Variants in MTUS2 observed in about 807,000 individuals in gnomAD.
MTUS2 encodes the protein microtubule associated scaffold protein 2.
MTUS2 carries 40 observed loss-of-function variants against 114.1 expected under a neutral mutation model. The observed-to-expected ratio is 0.35, with a 90% CI of 0.27 to 0.46. The LOEUF (loss-of-function observed/expected upper bound fraction) is 0.46. Ranked by LOEUF, MTUS2 falls within the 20% of genes least tolerant of loss-of-function variation. MTUS2 has a pLI of 1.00. For missense variants in MTUS2, 1,679 were observed against 1,705.4 expected (o/e 0.98, Z 0.27); for synonymous variants, 688 against 672.0 (o/e 1.02, Z -0.37).
At chr13:29,310,573 G>A (rs1286324688) in intron 6 of MTUS2, among the ~76,000 whole-genome samples, 1 of 151,938 alleles carries the variant, frequency 6.6e-6, no homozygotes, top group Admixed American at 6.6e-5. Context: ...AGACAAAAAA[G>A]GAACAAAAAG....
Position 29,359,303 on chromosome 13 carries a change from C to G in MTUS2, c.2947C>G (p.Pro983Ala), listed in dbSNP as rs1870026546. The part of the protein sequence containing the change: ...QRTAAARNGF[P>A]PKPDPQAREA... ...GACTGCGGCAGCTCGAAATGGGTTT[C>G]CGCCCAAGCCGGACCCGCAGGCCCG... is the stretch of plus-strand genomic sequence containing the variant. The change falls in exon 8 of 16, where the codon CCG becomes GCG. Residue 983 changes from proline to alanine, a missense_variant. Pro to Ala is a conservative substitution (Grantham distance 27, BLOSUM62 -1). Around this residue, in one of 3 missense-constraint regions of MTUS2, gnomAD observed 822 missense variants for 899.7 expected, o/e 0.91. Transcript: ENST00000612955. 1.2e-6 allele frequency: 2 copies of G among 1,607,526 alleles called. No homozygotes were observed. The highest frequency in any genetic ancestry group is 2.2e-5 in the South Asian group (2 of 89,840).
chr13:29,131,872 T>C (rs1327239397), intron 5 of MTUS2, among the ~76,000 whole-genome samples: 1 of 152,270 alleles, frequency 6.6e-6, no homozygotes, highest in African/African-American at 2.4e-5. Context: ...CCAGAGACGT[T>C]GATGATGACA....
At chr13:28,972,932 A>G (rs1883920425) in intron 2 of MTUS2, among the ~76,000 whole-genome samples, 3 of 152,092 alleles carry the variant, frequency 2.0e-5, no homozygotes, top group Admixed American at 2.0e-4. Flanking sequence ...CCCTTCCCCC[A>G]ATAAAACTGC....
intron 5 of MTUS2, among the ~76,000 whole-genome samples, chr13:29,135,266 A>AG (rs1299645961): frequency 1.3e-5 from 2 of 152,210 alleles, no homozygotes; most frequent in African/African-American, 4.8e-5. Flanking sequence ...CCCACAAATA[A>AG]GGGGGGACTA....
At chr13:29,482,461 C>T (rs535716436) in intron 10 of MTUS2, 67 of 152,370 alleles carry the variant, frequency 4.4e-4, no homozygotes, top group African/African-American at 1.6e-3. Context: ...TTCAAACACG[C>T]TCTGTTGTAT....
At chr13:29,190,131 G>A (rs1392330644) in intron 5 of MTUS2, among the ~76,000 whole-genome samples, 1 of 152,122 alleles carries the variant, frequency 6.6e-6, no homozygotes, top group Admixed American at 6.6e-5. Context: ...AGAAATAAAT[G>A]TCTATTGTTT....
intron 2 of MTUS2, among the ~76,000 whole-genome samples, chr13:28,972,599 G>A (rs1448615601): frequency 2.0e-5 from 3 of 152,112 alleles, no homozygotes; most frequent in Non-Finnish European, 2.9e-5. Context: ...TTACCCTTTG[G>A]CCCAAGGTAC....
At chr13:28,917,549 A>G (rs1032040925) in intron 2 of MTUS2, among the ~76,000 whole-genome samples, 1 of 150,724 alleles carries the variant, frequency 6.6e-6, no homozygotes, top group Non-Finnish European at 1.5e-5. Flanking sequence ...TTGAATTTCT[A>G]TGATATCAGT....
chr13:29,271,394 A>G (rs1423507030), intron 5 of MTUS2, among the ~76,000 whole-genome samples: 1 of 152,154 alleles, frequency 6.6e-6, no homozygotes, highest in Admixed American at 6.5e-5. Context: ...CTGCTTGCCA[A>G]TCATGCACTT....
At chr13:28,981,910 G>A (rs368118967) in intron 2 of MTUS2, among the ~76,000 whole-genome samples, 32 of 152,276 alleles carry the variant, frequency 2.1e-4, no homozygotes, top group East Asian at 9.7e-4. Context: ...ATCTGGTTCC[G>A]TTTCACCTGG....
chr13:28,909,119 A>C (rs894817093), intron 2 of MTUS2, among the ~76,000 whole-genome samples: 7 of 151,532 alleles, frequency 4.6e-5, no homozygotes, highest in African/African-American at 1.7e-4. Flanking sequence ...GAAGTCAGGT[A>C]GCGTGATGCC....
intron 5 of MTUS2, among the ~76,000 whole-genome samples, chr13:29,226,528 A>G (rs1324529463): frequency 6.6e-6 from 1 of 152,128 alleles, no homozygotes; most frequent in African/African-American, 2.4e-5. Flanking sequence ...TGCACTCCCA[A>G]AACAGGACCT....
chr13:29,351,602 G>GTT (rs11424119), intron 7 of MTUS2, among the ~76,000 whole-genome samples: 7 of 149,568 alleles, frequency 4.7e-5, no homozygotes, highest in African/African-American at 1.8e-4. Flanking sequence ...TGGTTAGTAA[G>GTT]TTTTTTTGTT....
intron 8 of MTUS2, among the ~76,000 whole-genome samples, chr13:29,365,878 C>T (rs1019941316): frequency 1.6e-4 from 24 of 152,288 alleles, no homozygotes; most frequent in African/African-American, 5.5e-4. Context: ...TCCAACTAAA[C>T]ACAAGTCAAA....
chr13:29,146,824 G>T (rs376100926), intron 5 of MTUS2, among the ~76,000 whole-genome samples: 1 of 152,296 alleles, frequency 6.6e-6, no homozygotes, highest in Admixed American at 6.5e-5. Context: ...ACAATATGTT[G>T]CAGGATTGTT....
intron 5 of MTUS2, among the ~76,000 whole-genome samples, chr13:29,261,371 G>C (rs1897465493): frequency 6.6e-6 from 1 of 152,142 alleles, no homozygotes; most frequent in Non-Finnish European, 1.5e-5. Context: ...ACAGGAAAAG[G>C]GTTTAGGGCT....
intron 5 of MTUS2, among the ~76,000 whole-genome samples, chr13:29,266,995 C>T (rs1317623387): frequency 6.6e-6 from 1 of 152,188 alleles, no homozygotes; most frequent in African/African-American, 2.4e-5. Context: ...GTCATCTGTG[C>T]TTCAGACTGA....
chr13:29,054,997 A>G (rs1888066361), intron 4 of MTUS2, among the ~76,000 whole-genome samples: 1 of 152,092 alleles, frequency 6.6e-6, no homozygotes, highest in African/African-American at 2.4e-5. Flanking sequence ...ACTCACAAGT[A>G]TGGTCTGTGC....
intron 5 of MTUS2, among the ~76,000 whole-genome samples, chr13:29,220,165 T>A (rs1212881460): frequency 6.6e-6 from 1 of 151,880 alleles, no homozygotes; most frequent in Non-Finnish European, 1.5e-5. Context: ...CCAGCTGACT[T>A]TTTTGTTTTT....
Sources: allele counts gnomAD v4.1 joint callset (sites outside exome capture counted in the v4.1 genomes callset), GRCh38; gene constraint gnomAD v4.1.1; regional missense constraint gnomAD v4.1.1; transcripts MANE v1.5; gene names NCBI Gene and HGNC (gene_info 2026-07-23, HGNC 2026-07-21).